PRKAA2: variants seen among roughly 807,000 people sequenced by gnomAD.
PRKAA2 encodes 5'-AMP-activated protein kinase catalytic subunit alpha-2.
Under a neutral mutation model 56.3 loss-of-function variants are expected in PRKAA2, and 40 were observed. That is an observed-to-expected ratio of 0.71 (90% CI 0.55 to 0.92). PRKAA2 has a LOEUF of 0.92. Ranked by LOEUF, PRKAA2 falls within the 40% of genes least tolerant of loss-of-function variation. PRKAA2 has a pLI of 0.00. For missense variants in PRKAA2, 542 were observed against 686.9 expected, an observed-to-expected ratio of 0.79 and a Z score of 2.36; for synonymous variants, 214 against 234.2, an observed-to-expected ratio of 0.91 and a Z score of 0.79.
intron 2 of PRKAA2, among the ~76,000 whole-genome samples, chr1:56,677,521 C>T (rs1644121636): frequency 6.6e-6 from 1 of 152,174 alleles, no homozygotes; most frequent in African/African-American, 2.4e-5. Context: ...CCCTGAAAGA[C>T]TTTGAGGAAA....
intron 1 of PRKAA2, among the ~76,000 whole-genome samples, chr1:56,657,980 A>T (rs560350431): frequency 2.4e-4 from 36 of 152,342 alleles, no homozygotes; most frequent in Non-Finnish European, 4.6e-4. Context: ...TGCGAGACTG[A>T]GAATATATGT....
chr1:56,696,213 T>G, intron 6 of PRKAA2, 54 bp downstream of exon 6: 1 of 1,491,836 alleles, frequency 6.7e-7, no homozygotes, highest in South Asian at 1.2e-5. Context: ...AATAATAATG[T>G]TAATTAAATG....
At chr1:56,705,946 A>C in intron 7 of PRKAA2, 146 bp from the exon 8 acceptor site, 1 of 669,828 alleles carries the variant, frequency 1.5e-6, no homozygotes, top group Non-Finnish European at 2.5e-6. Flanking sequence ...GGGATTAAAT[A>C]AATACTAAAG....
chr1:56,649,223 A>C (rs934019636), intron 1 of PRKAA2, among the ~76,000 whole-genome samples: 3 of 152,188 alleles, frequency 2.0e-5, no homozygotes, highest in African/African-American at 7.2e-5. Flanking sequence ...TTTTGAGTTA[A>C]TTCTTATGTA....
rs982029520 is a variant in PRKAA2 at position 56,713,280 on chromosome 1, G to T, written c.*5567G>T. 2 of 152,126 alleles carry T rather than the reference G, an allele frequency of 1.3e-5. No homozygotes were observed. Among genetic ancestry groups the T allele is most frequent in the Non-Finnish European group, 2.9e-5 (2 of 68,028 alleles). 9.4% of individuals were successfully genotyped at this position (152,126 alleles called of 1,614,324 possible). A position where few individuals can be genotyped will look rare whatever the true frequency, so the allele number is the denominator to read the frequency against. ...CATAGCCTGATAAGAATCAGGCTGG[G>T]TCTAGAAGAGTTATCAGACTGTAGG... On this transcript the variant is annotated 3_prime_UTR_variant, in exon 9 of 9. Transcript: ENST00000371244.
intron 1 of PRKAA2, among the ~76,000 whole-genome samples, chr1:56,653,976 G>C (rs1356571838): frequency 6.6e-6 from 1 of 152,054 alleles, no homozygotes; most frequent in East Asian, 1.9e-4. Flanking sequence ...AGCTGGGAAG[G>C]GGGAAAGTGT....
At chr1:56,679,617 C>A (rs1644138882) in intron 2 of PRKAA2, among the ~76,000 whole-genome samples, 1 of 152,128 alleles carries the variant, frequency 6.6e-6, no homozygotes, top group Non-Finnish European at 1.5e-5. Flanking sequence ...TTTTTCTTTG[C>A]TCTGTCAGGT....
chr1:56,686,189 G>T (rs527595338), intron 2 of PRKAA2, among the ~76,000 whole-genome samples: 3 of 152,260 alleles, frequency 2.0e-5, no homozygotes, highest in Admixed American at 2.0e-4. Flanking sequence ...ATAAGCATGG[G>T]CAAAAGACAC....
chr1:56,687,629 A>C (rs1463133039), intron 2 of PRKAA2, among the ~76,000 whole-genome samples: 1 of 152,118 alleles, frequency 6.6e-6, no homozygotes, highest in Non-Finnish European at 1.5e-5. Context: ...AATTAAATAA[A>C]AGGTCATTCA....
At chr1:56,678,798 C>T (rs1297862201) in intron 2 of PRKAA2, among the ~76,000 whole-genome samples, 11 of 151,306 alleles carry the variant, frequency 7.3e-5, no homozygotes, top group South Asian at 2.1e-4. Flanking sequence ...TGTGTTCAAG[C>T]GATTCTCCTG....
intron 1 of PRKAA2, among the ~76,000 whole-genome samples, chr1:56,653,063 G>A (rs1643914299): frequency 1.3e-5 from 2 of 151,950 alleles, no homozygotes; most frequent in Non-Finnish European, 2.9e-5. Context: ...TTAAATAAAA[G>A]TGAATGTACA....
At chr1:56,662,199 T>C (rs909326539) in intron 1 of PRKAA2, among the ~76,000 whole-genome samples, 1 of 152,132 alleles carries the variant, frequency 6.6e-6, no homozygotes, top group Admixed American at 6.6e-5. Context: ...CTTCTTAAGA[T>C]GAAAGTGTCT....
At chr1:56,660,073 T>C (rs747455917) in intron 1 of PRKAA2, among the ~76,000 whole-genome samples, 2 of 152,206 alleles carry the variant, frequency 1.3e-5, no homozygotes, top group Non-Finnish European at 2.9e-5. Flanking sequence ...GTATCATCAT[T>C]ACATCACTGT....
At chr1:56,647,141 T>C (rs188513117) in intron 1 of PRKAA2, among the ~76,000 whole-genome samples, 1 of 152,310 alleles carries the variant, frequency 6.6e-6, no homozygotes, top group African/African-American at 2.4e-5. Context: ...TCCTGGGTTA[T>C]TTTTGAAAGA....
intron 1 of PRKAA2, among the ~76,000 whole-genome samples, chr1:56,653,501 C>T (rs957870148): frequency 6.6e-6 from 1 of 152,012 alleles, no homozygotes; most frequent in Admixed American, 6.6e-5. Flanking sequence ...TTTGTTTTGT[C>T]ATAAACCAGC....
chr1:56,712,967 A>C lies in PRKAA2; in HGVS notation c.*5254A>C, dbSNP rs567006520. 6.6e-6 allele frequency: 1 copy of C among 152,304 alleles called. No homozygotes were observed. The highest frequency in any genetic ancestry group is 1.9e-4 in the East Asian group (1 of 5,188). 9.4% of individuals were successfully genotyped at this position (152,304 alleles called of 1,614,324 possible). A position where few individuals can be genotyped will look rare whatever the true frequency, so the allele number is the denominator to read the frequency against. On this transcript the variant is annotated 3_prime_UTR_variant, in exon 9 of 9. Transcript: ENST00000371244. ...AATTTCATATGCAGATTGATTTTTCATTTTGTATGTATATTACATGATATA... is the reference window on the plus strand; with the variant it reads ...AATTTCATATGCAGATTGATTTTTCCTTTTGTATGTATATTACATGATATA...
Position 56,713,700 on chromosome 1 carries a change from C to G in PRKAA2, c.*5987C>G, listed in dbSNP as rs548274604. 1 of 151,168 alleles carries G rather than the reference C, an allele frequency of 6.6e-6. No homozygotes were observed. Among genetic ancestry groups the G allele is most frequent in the Non-Finnish European group, 1.5e-5 (1 of 67,664 alleles). The allele number at this position is 151,168 out of a possible 1,614,324, so 9.4% of individuals were successfully genotyped here. A position where few individuals can be genotyped will look rare whatever the true frequency, so the allele number is the denominator to read the frequency against. ...AATTTCAAGGAGGAACAAAAACATT[C>G]TAGCCAAGGAGAATTGCATTGTTAT... On this transcript the variant is annotated 3_prime_UTR_variant, in exon 9 of 9. Coordinates refer to ENST00000371244, the MANE Select transcript of PRKAA2 (RefSeq NM_006252.4).
At position 56,674,410 on chromosome 1, in the gene PRKAA2, G is replaced by A. The variant is rs2100404912; in HGVS notation, c.124G>A (p.Val42Met). Residue 42 changes from valine (V) to methionine (M), a missense_variant, in exon 2 of 9, where the codon GTG (valine) becomes ATG (methionine). Physicochemically the swap from Val to Met is conservative, Grantham distance 21. Coordinates refer to ENST00000371244, the MANE Select transcript of PRKAA2 (RefSeq NM_006252.4). The part of the protein sequence containing the change: ...IGEHQLTGHK[V>M]AVKILNRQKI... ...AGAACATCAATTAACAGGCCATAAAGTGGCAGTTAAAATCTTAAATAGACA... is the reference window on the plus strand; with the variant it reads ...AGAACATCAATTAACAGGCCATAAAATGGCAGTTAAAATCTTAAATAGACA... 1.3e-6 allele frequency: 2 copies of A among 1,580,098 alleles called. No individual in the cohort carries two copies. The highest frequency in any genetic ancestry group is 1.7e-6 in the Non-Finnish European group (2 of 1,166,900).
chr1:56,661,661 T>C (rs1643995711), intron 1 of PRKAA2, among the ~76,000 whole-genome samples: 1 of 152,064 alleles, frequency 6.6e-6, no homozygotes. Context: ...TCTATTTTTA[T>C]TATTTTAGAA....
Sources: allele counts gnomAD v4.1 joint callset (sites outside exome capture counted in the v4.1 genomes callset), GRCh38; gene constraint gnomAD v4.1.1; transcripts MANE v1.5; gene names NCBI Gene and HGNC (gene_info 2026-07-23, HGNC 2026-07-21).